SLIT3: variants seen among roughly 807,000 people sequenced by gnomAD.
The protein encoded by SLIT3 is slit homolog 3 protein.
Under a neutral mutation model 184.0 loss-of-function variants are expected in SLIT3, and 68 were observed. That is an observed-to-expected ratio of 0.37 (90% CI 0.30 to 0.45). The LOEUF (loss-of-function observed/expected upper bound fraction) is 0.45. Ranked by LOEUF, SLIT3 falls within the 20% of genes least tolerant of loss-of-function variation. The probability of loss-of-function intolerance (pLI) is 1.00; values close to 1 mark genes in which losing one functional copy is unlikely to be tolerated. For missense variants in SLIT3, 1,707 were observed against 2,026.0 expected (o/e 0.84, Z 3.02); for synonymous variants, 831 against 828.6 (o/e 1.00, Z -0.05).
chr5:168,892,754 C>T (rs368601509), intron 4 of SLIT3, among the ~76,000 whole-genome samples: 3 of 152,336 alleles, frequency 2.0e-5, no homozygotes, highest in East Asian at 3.9e-4. Flanking sequence ...GCAACTCCAA[C>T]TAAGGCTCTT....
chr5:169,275,687 C>T lies in SLIT3; in HGVS notation c.198-24228G>A, dbSNP rs140954109. Among the ~76,000 whole-genome samples, 5 of 152,266 alleles carry T rather than the reference C, an allele frequency of 3.3e-5. No individual in the cohort carries two copies. In the East Asian group the frequency reaches 7.7e-4, roughly 24 times the overall value. Reference sequence around the variant, plus strand: ...GTGGAATGCCCTGATAAACCCAGATCTCATGAGACTTATTCACTATCATGA... The same window carrying T: ...GTGGAATGCCCTGATAAACCCAGATTTCATGAGACTTATTCACTATCATGA... On this transcript the variant is annotated intron_variant, in intron 1 of 35. Coordinates refer to ENST00000519560, the MANE Select transcript of SLIT3 (RefSeq NM_003062.4).
At chr5:168,928,669 G>A (rs1468343079) in intron 4 of SLIT3, among the ~76,000 whole-genome samples, 1 of 152,182 alleles carries the variant, frequency 6.6e-6, no homozygotes, top group South Asian at 2.1e-4. Flanking sequence ...ACATTCTACA[G>A]TCTTTTTTGG....
chr5:168,703,870 A>G (rs1273211610), intron 26 of SLIT3, among the ~76,000 whole-genome samples: 1 of 144,256 alleles, frequency 6.9e-6, no homozygotes, highest in Admixed American at 7.3e-5. Context: ...GCTTGAACCC[A>G]GGAAGCAGAG....
At chr5:168,885,078 G>A (rs574579342) in intron 4 of SLIT3, among the ~76,000 whole-genome samples, 10 of 152,294 alleles carry the variant, frequency 6.6e-5, no homozygotes, top group African/African-American at 2.2e-4. Flanking sequence ...AGAGGAAGCA[G>A]AAAAGAGGTG....
At chr5:169,111,092 T>C (rs190471011) in intron 4 of SLIT3, among the ~76,000 whole-genome samples, 1 of 152,318 alleles carries the variant, frequency 6.6e-6, no homozygotes. Flanking sequence ...AACTGCCCCA[T>C]GCCTAGGCCA....
chr5:168,819,198 G>A (rs1757438713), intron 7 of SLIT3, among the ~76,000 whole-genome samples: 1 of 152,200 alleles, frequency 6.6e-6, no homozygotes, highest in Admixed American at 6.5e-5. Context: ...GCAGGAAGGG[G>A]TTGGCGAACC....
At chr5:169,074,568 A>G (rs1758668124) in intron 4 of SLIT3, among the ~76,000 whole-genome samples, 1 of 152,172 alleles carries the variant, frequency 6.6e-6, no homozygotes, top group African/African-American at 2.4e-5. Context: ...CAGTTGAGGG[A>G]GTAAAAGCTC....
At chr5:169,006,765 CTG>C (rs1561602884) in intron 4 of SLIT3, among the ~76,000 whole-genome samples, 1 of 152,176 alleles carries the variant, frequency 6.6e-6, no homozygotes, top group African/African-American at 2.4e-5. Context: ...AAATGAGAGA[CTG>C]CTTTACCAGG....
intron 26 of SLIT3, among the ~76,000 whole-genome samples, chr5:168,702,432 G>A (rs1358652179): frequency 6.6e-6 from 1 of 152,160 alleles, no homozygotes; most frequent in Non-Finnish European, 1.5e-5. Context: ...CAAAGTTAGT[G>A]CTGGGAGCCT....
At chr5:168,907,701 C>T (rs968973241) in intron 4 of SLIT3, among the ~76,000 whole-genome samples, 3 of 152,020 alleles carry the variant, frequency 2.0e-5, no homozygotes, top group East Asian at 1.9e-4. Flanking sequence ...GAAGCAATTA[C>T]CTGTAGTTTT....
At chr5:169,201,401 A>C (rs1763899978) in intron 3 of SLIT3, among the ~76,000 whole-genome samples, 1 of 152,212 alleles carries the variant, frequency 6.6e-6, no homozygotes, top group African/African-American at 2.4e-5. Flanking sequence ...TGTAATAGCA[A>C]AACATGTACC....
At position 168,785,764 on chromosome 5, in the gene SLIT3, G is replaced by A. The variant is rs1265361504; in HGVS notation, c.1151+143C>T. 8.0e-6 allele frequency: 5 copies of A among 627,308 alleles called. No homozygotes were observed. In the Admixed American group the frequency reaches 1.4e-4, roughly 18 times the overall value. The allele number at this position is 627,308 out of a possible 1,614,324, so 38.9% of individuals were successfully genotyped here. A position where few individuals can be genotyped will look rare whatever the true frequency, so the allele number is the denominator to read the frequency against. Reference sequence around the variant, plus strand: ...TCCTTTCATAAAAATAGGAAACGGAGGTGAAGCGTGGACAGCTCAAACATT... The same window carrying A: ...TCCTTTCATAAAAATAGGAAACGGAAGTGAAGCGTGGACAGCTCAAACATT... On this transcript the variant is annotated intron_variant, in intron 12 of 35. Coordinates refer to ENST00000519560, the MANE Select transcript of SLIT3 (RefSeq NM_003062.4).
chr5:169,208,392 A>G (rs1764146662), intron 3 of SLIT3, among the ~76,000 whole-genome samples: 1 of 152,104 alleles, frequency 6.6e-6, no homozygotes, highest in Non-Finnish European at 1.5e-5. Flanking sequence ...ATTCCTAGAT[A>G]TTTTATTCAC....
At chr5:168,704,366 C>G (rs1352716824) in intron 26 of SLIT3, among the ~76,000 whole-genome samples, 1 of 152,228 alleles carries the variant, frequency 6.6e-6, no homozygotes, top group Non-Finnish European at 1.5e-5. Context: ...AGTACACACA[C>G]AGCCCCTTTT....
At chr5:169,127,905 A>G (rs1190392957) in intron 4 of SLIT3, among the ~76,000 whole-genome samples, 3 of 152,230 alleles carry the variant, frequency 2.0e-5, no homozygotes, top group African/African-American at 7.2e-5. Context: ...TGTTTATAAC[A>G]TTTGACCCAG....
chr5:169,047,760 C>T (rs1013168753), intron 4 of SLIT3, among the ~76,000 whole-genome samples: 4 of 152,124 alleles, frequency 2.6e-5, no homozygotes, highest in Non-Finnish European at 5.9e-5. Flanking sequence ...ACTTGTTCCC[C>T]TCACTTCCCC....
At chr5:168,713,660 C>T (rs1005868287) in intron 23 of SLIT3, among the ~76,000 whole-genome samples, 2 of 150,660 alleles carry the variant, frequency 1.3e-5, no homozygotes, top group Admixed American at 6.6e-5. Context: ...TGAATTTGCT[C>T]TTCTTCTCCC....
chr5:169,197,978 C>T (rs1223158180), intron 3 of SLIT3, among the ~76,000 whole-genome samples: 1 of 152,160 alleles, frequency 6.6e-6, no homozygotes, highest in East Asian at 1.9e-4. Flanking sequence ...TCATCGAACC[C>T]ATCCATGTAT....
chr5:168,883,403 A>G, intron 4 of SLIT3, 67 bp from the exon 5 acceptor site: 2 of 1,207,868 alleles, frequency 1.7e-6, no homozygotes, highest in Non-Finnish European at 1.2e-6. Context: ...ATCTCATTAA[A>G]TGATAACAAT....
Sources: gnomAD v4.1 joint callset for allele counts (sites outside exome capture counted in the v4.1 genomes callset) on GRCh38, gnomAD v4.1.1 for gene constraint, MANE v1.5 for transcripts, NCBI Gene and HGNC (gene_info 2026-07-23, HGNC 2026-07-21) for gene names.